The following CSMD2 variants were observed in gnomAD, a reference collection of about 807,000 sequenced individuals.
CSMD2 encodes CUB and sushi domain-containing protein 2.
In CSMD2, 130 loss-of-function variants were observed where a neutral mutation model predicts 398.5. The ratio of observed to expected loss-of-function variants is 0.33; its 90% CI spans 0.28 to 0.38. CSMD2 has a LOEUF of 0.38. CSMD2 is among the 10% of genes least tolerant of loss of function. The pLI, the probability that CSMD2 is intolerant of heterozygous loss-of-function variation, is 1.00. For missense variants in CSMD2, 3,829 were observed against 4,764.9 expected (o/e 0.80, Z 5.78); for synonymous variants, 1,828 against 1,908.5 (o/e 0.96, Z 1.10).
At chr1:33,705,062 AG>A (rs952111274) in intron 22 of CSMD2, among the ~76,000 whole-genome samples, 2 of 152,116 alleles carry the variant, frequency 1.3e-5, no homozygotes, top group African/African-American at 4.8e-5. Context: ...TGTGATCAAA[AG>A]TGAGACTGCC....
At position 33,611,228 on chromosome 1, in the gene CSMD2, G is replaced by A. The variant is rs1489146227; in HGVS notation, c.6156C>T (p.Asn2052=). 1 of 1,614,092 alleles carries A rather than the reference G, an allele frequency of 6.2e-7. No individual in the cohort carries two copies. Among genetic ancestry groups the A allele is most frequent in the Non-Finnish European group, 8.5e-7 (1 of 1,180,012 alleles). The change falls in exon 41 of 71, where the codon AAC becomes AAT. Residue 2052 remains asparagine (N), a synonymous_variant. Coordinates refer to ENST00000373381, the MANE Select transcript of CSMD2 (RefSeq NM_001281956.2). Reference sequence around the variant, plus strand: ...AGTCGTGGTTGGGCTCGGTGGAGAAGTTCAGGAACTGGATGTGAGCTCCTG... The same window carrying A: ...AGTCGTGGTTGGGCTCGGTGGAGAAATTCAGGAACTGGATGTGAGCTCCTG... ...VGFGAHIQFL[N]FSTEPNHDYI...
chr1:33,769,446 C>G (rs541157968), intron 13 of CSMD2, among the ~76,000 whole-genome samples: 32 of 152,218 alleles, frequency 2.1e-4, no homozygotes, highest in African/African-American at 7.5e-4. Context: ...TAACTGAGGA[C>G]CAGAGAGTAA....
chr1:33,992,337 C>A (rs376514399), intron 3 of CSMD2, among the ~76,000 whole-genome samples: 1 of 151,978 alleles, frequency 6.6e-6, no homozygotes. Context: ...TATAGGCGTG[C>A]GCCACCATGT....
chr1:33,775,761 A>G (rs1003178955), intron 12 of CSMD2, among the ~76,000 whole-genome samples: 1 of 152,208 alleles, frequency 6.6e-6, no homozygotes, highest in African/African-American at 2.4e-5. Flanking sequence ...AATTCAGCTC[A>G]TAGATTGTAA....
intron 11 of CSMD2, 75 bp downstream of exon 11, chr1:33,792,348 A>T (rs942796116): frequency 8.5e-6 from 8 of 938,808 alleles, no homozygotes; most frequent in Non-Finnish European, 1.4e-5. Context: ...GGGACCAGGC[A>T]GGACTCCACA....
chr1:33,544,616 G>A (rs1656695868), intron 57 of CSMD2, among the ~76,000 whole-genome samples: 1 of 152,006 alleles, frequency 6.6e-6, no homozygotes, highest in Non-Finnish European at 1.5e-5. Flanking sequence ...TGGGGATCAC[G>A]TGGAGGTAGA....
chr1:33,843,173 AT>A (rs1661026372), intron 6 of CSMD2, among the ~76,000 whole-genome samples: 2 of 152,326 alleles, frequency 1.3e-5, no homozygotes, highest in Admixed American at 1.3e-4. Context: ...GCCTAGGCGC[AT>A]TCATCTTTTT....
At chr1:33,770,007 T>C (rs1490602648) in intron 13 of CSMD2, among the ~76,000 whole-genome samples, 1 of 152,218 alleles carries the variant, frequency 6.6e-6, no homozygotes, top group Non-Finnish European at 1.5e-5. Context: ...CCCTTTTCTA[T>C]TGATAACATT....
At chr1:33,527,142 T>C in intron 65 of CSMD2, 54 bp downstream of exon 65, 1 of 1,491,646 alleles carries the variant, frequency 6.7e-7, no homozygotes, top group Non-Finnish European at 9.4e-7. Flanking sequence ...TCTGGCTAAC[T>C]GTGTGAAAAA....
At chr1:34,153,413 T>C (rs1021480224) in intron 1 of CSMD2, among the ~76,000 whole-genome samples, 1 of 152,246 alleles carries the variant, frequency 6.6e-6, no homozygotes, top group Non-Finnish European at 1.5e-5. Context: ...TGAAAGATTA[T>C]CATATGGATA....
chr1:34,091,621 C>A (rs1188054998), intron 1 of CSMD2, among the ~76,000 whole-genome samples: 1 of 151,856 alleles, frequency 6.6e-6, no homozygotes, highest in Non-Finnish European at 1.5e-5. Context: ...ATTAAGAAAT[C>A]TCTTAACACG....
Position 33,825,782 on chromosome 1 carries a change from G to C in CSMD2, c.1034-8C>G. On this transcript the variant is annotated splice_region_variant and splice_polypyrimidine_tract_variant and intron_variant, in intron 6 of 70. Transcript: ENST00000373381. ...ACTCAATTTGCTTCTTGACTAGAGA[G>C]GAGGTAAGAGGAAAAACAATGTGAG... The C allele has an allele frequency of 6.2e-7, 1 of 1,611,516 alleles. No individual in the cohort carries two copies. The highest frequency in any genetic ancestry group is 8.5e-7 in the Non-Finnish European group (1 of 1,178,098).
intron 11 of CSMD2, among the ~76,000 whole-genome samples, chr1:33,790,642 A>G (rs1654122888): frequency 6.7e-6 from 1 of 149,710 alleles, no homozygotes; most frequent in Non-Finnish European, 1.5e-5. Context: ...CAAATTATCT[A>G]TCTATTTGCT....
chr1:33,788,188 G>A (rs965061317), intron 12 of CSMD2, among the ~76,000 whole-genome samples: 1 of 152,054 alleles, frequency 6.6e-6, no homozygotes, highest in Non-Finnish European at 1.5e-5. Context: ...CATGCCTAAG[G>A]GGGAGGAAGC....
chr1:33,521,440 T>G (rs1654277142), intron 68 of CSMD2, 23 bp downstream of exon 68: 4 of 1,388,594 alleles, frequency 2.9e-6, no homozygotes, highest in Non-Finnish European at 4.1e-6. Context: ...GGCCCACACT[T>G]CCGGGGGACA....
intron 3 of CSMD2, among the ~76,000 whole-genome samples, chr1:33,953,096 G>A (rs1645058844): frequency 6.6e-6 from 1 of 152,218 alleles, no homozygotes; most frequent in Admixed American, 6.5e-5. Context: ...CTGCAGTTAG[G>A]TGGACCATGG....
At position 33,851,092 on chromosome 1, in the gene CSMD2, A is replaced by G. The variant is rs541564735; in HGVS notation, c.921-4096T>C. Among the ~76,000 whole-genome samples, 14 of 152,238 alleles carry G rather than the reference A, an allele frequency of 9.2e-5. No homozygotes were observed. The South Asian group carries it at 2.5e-3, about 27-fold the overall frequency. ...GGAGTGTTAGGAGATCTTAGTTTAA[A>G]TCTTAGCATCCCTGAAAACTGACAT... is the stretch of plus-strand genomic sequence containing the variant. On this transcript the variant is annotated intron_variant, in intron 5 of 70. Transcript: ENST00000373381.
intron 3 of CSMD2, among the ~76,000 whole-genome samples, chr1:33,988,218 C>T (rs1382983507): frequency 6.6e-6 from 1 of 152,218 alleles, no homozygotes; most frequent in Admixed American, 6.5e-5. Flanking sequence ...GAAAGTCACT[C>T]CCTGCTGTCA....
At chr1:33,664,690 C>G (rs889681614) in intron 25 of CSMD2, among the ~76,000 whole-genome samples, 1 of 151,946 alleles carries the variant, frequency 6.6e-6, no homozygotes, top group Non-Finnish European at 1.5e-5. Flanking sequence ...GTAGTCCCAG[C>G]TACTTGGGAG....
Sources: allele counts gnomAD v4.1 joint callset (sites outside exome capture counted in the v4.1 genomes callset), GRCh38; gene constraint gnomAD v4.1.1; transcripts MANE v1.5; gene names NCBI Gene and HGNC (gene_info 2026-07-23, HGNC 2026-07-21).